Variants in KCNT2 observed in about 807,000 individuals in gnomAD.
The protein encoded by KCNT2 is potassium channel subfamily T member 2.
Under a neutral mutation model 153.8 loss-of-function variants are expected in KCNT2, and 67 were observed. The observed-to-expected ratio is 0.44, with a 90% CI of 0.36 to 0.53. KCNT2 has a LOEUF of 0.53. Ranked by LOEUF, KCNT2 falls within the 20% of genes least tolerant of loss-of-function variation. The pLI is 0.00. For synonymous variants in KCNT2, 500 were observed against 458.8 expected, an observed-to-expected ratio of 1.09 and a Z score of -1.15; for missense variants, 975 against 1,354.8, an observed-to-expected ratio of 0.72 and a Z score of 4.40.
At chr1:196,252,298 G>C (rs1656043573) in intron 26 of KCNT2, among the ~76,000 whole-genome samples, 1 of 151,662 alleles carries the variant, frequency 6.6e-6, no homozygotes. Context: ...AGGCTTTGCA[G>C]ACCATATGAT....
At chr1:196,538,380 G>C (rs1655892095) in intron 1 of KCNT2, among the ~76,000 whole-genome samples, 1 of 152,108 alleles carries the variant, frequency 6.6e-6, no homozygotes, top group South Asian at 2.1e-4. Flanking sequence ...TTCTAACTGA[G>C]GTCTAAGGGG....
intron 3 of KCNT2, among the ~76,000 whole-genome samples, chr1:196,485,471 T>G (rs1283290802): frequency 6.6e-6 from 1 of 152,052 alleles, no homozygotes; most frequent in African/African-American, 2.4e-5. Context: ...CTTCGTATTT[T>G]TAAAATTCCA....
intron 3 of KCNT2, among the ~76,000 whole-genome samples, chr1:196,483,880 G>A (rs1679209233): frequency 6.6e-6 from 1 of 151,994 alleles, no homozygotes; most frequent in South Asian, 2.1e-4. Context: ...TATTAAACTA[G>A]GTAACCAATG....
intron 25 of KCNT2, among the ~76,000 whole-genome samples, chr1:196,263,175 C>CT (rs540339141): frequency 0.022 from 3,126 of 145,208 alleles, 38 homozygotes; most frequent in Admixed American, 0.033. Flanking sequence ...ATATATAATT[C>CT]TTTTTTTTTT....
intron 1 of KCNT2, among the ~76,000 whole-genome samples, chr1:196,517,114 ACCAGAGGC>A (rs763973615): frequency 2.0e-5 from 3 of 152,104 alleles, no homozygotes; most frequent in Non-Finnish European, 4.4e-5. Context: ...GTCCACGGCA[ACCAGAGGC>A]TGGTCCAGAC....
intron 1 of KCNT2, among the ~76,000 whole-genome samples, chr1:196,597,273 A>AG (rs1238206659): frequency 2.0e-5 from 3 of 151,990 alleles, no homozygotes; most frequent in African/African-American, 7.3e-5. Context: ...TACACTAAAA[A>AG]AAAAAGGTTT....
Position 196,480,937 on chromosome 1 carries a change from G to C in KCNT2, c.324+1394C>G, listed in dbSNP as rs140856191. 2.9e-5 allele frequency among the ~76,000 whole-genome samples: 4 copies of C among 139,062 alleles called. No homozygotes were observed. In the Admixed American group the frequency reaches 2.9e-4, roughly 10 times the overall value. 91.2% of individuals were successfully genotyped at this position (139,062 alleles called of 152,430 possible). On this transcript the variant is annotated intron_variant, in intron 4 of 27. Transcript: ENST00000294725. The stretch of plus-strand genomic sequence containing the variant: ...ACTGTTTTAAAAAGCAATTTGAATA[G>C]ATCAAAATATATTTGAAGATAATAT...
intron 26 of KCNT2, among the ~76,000 whole-genome samples, chr1:196,248,210 A>C (rs537407511): frequency 6.6e-6 from 1 of 152,096 alleles, no homozygotes; most frequent in Non-Finnish European, 1.5e-5. Flanking sequence ...AAAACTTCAA[A>C]TAAACAACCA....
chr1:196,372,852 C>G (rs535609124), intron 14 of KCNT2, among the ~76,000 whole-genome samples: 1 of 151,888 alleles, frequency 6.6e-6, no homozygotes, highest in African/African-American at 2.4e-5. Context: ...AAAATAATGT[C>G]CTAATCCTAG....
chr1:196,361,417 C>T (rs1230799039), intron 14 of KCNT2, among the ~76,000 whole-genome samples: 1 of 151,936 alleles, frequency 6.6e-6, no homozygotes, highest in African/African-American at 2.4e-5. Flanking sequence ...GCAGTTGGAT[C>T]CCAGGAGCCC....
intron 16 of KCNT2, among the ~76,000 whole-genome samples, chr1:196,336,470 A>G (rs925703988): frequency 6.6e-6 from 1 of 152,150 alleles, no homozygotes; most frequent in Non-Finnish European, 1.5e-5. Flanking sequence ...TCCATGGCCT[A>G]TAATTATATA....
Position 196,425,897 on chromosome 1 carries a change from T to C in KCNT2, c.1076A>G (p.Tyr359Cys). The C allele has an allele frequency of 6.2e-7, 1 of 1,612,628 alleles. No homozygotes were observed. Among genetic ancestry groups the C allele is most frequent in the Non-Finnish European group, 8.5e-7 (1 of 1,179,040 alleles). The change falls in exon 11 of 28, where the codon TAC becomes TGC. Residue 359 changes from tyrosine to cysteine, a missense_variant. This residue lies in a region of KCNT2 where 202 missense variants were observed against 314.9 expected (regional missense o/e 0.64). Coordinates refer to ENST00000294725, the MANE Select transcript of KCNT2 (RefSeq NM_198503.5). Reference protein sequence around the residue: ...QIPMWSQRVIYLQGSALKDQD... With the variant: ...QIPMWSQRVICLQGSALKDQD... ...ATCTTTAAGGGCTGAACCTTGAAGG[T>C]AGATAACTCGTTGGGACCACATTGG...
At chr1:196,560,948 G>T (rs917744398) in intron 1 of KCNT2, among the ~76,000 whole-genome samples, 1 of 151,874 alleles carries the variant, frequency 6.6e-6, no homozygotes, top group Admixed American at 6.6e-5. Context: ...AGCAATGAAG[G>T]TTTCCTTTTT....
intron 1 of KCNT2, among the ~76,000 whole-genome samples, chr1:196,605,169 C>T (rs975774515): frequency 2.6e-5 from 4 of 152,200 alleles, no homozygotes; most frequent in Non-Finnish European, 4.4e-5. Flanking sequence ...CCCATCATTA[C>T]AAGGATGTGG....
chr1:196,598,059 C>T (rs979093121), intron 1 of KCNT2, among the ~76,000 whole-genome samples: 1 of 151,986 alleles, frequency 6.6e-6, no homozygotes, highest in Non-Finnish European at 1.5e-5. Flanking sequence ...AAAAATAAAA[C>T]ACATAGCTAT....
intron 13 of KCNT2, among the ~76,000 whole-genome samples, chr1:196,386,640 A>T (rs565930961): frequency 7.9e-5 from 12 of 152,266 alleles, no homozygotes; most frequent in African/African-American, 2.9e-4. Context: ...AATACCATTT[A>T]ACCTAGAAAT....
Position 196,228,041 on chromosome 1 carries a change from T to C in KCNT2, c.*183A>G. On this transcript the variant is annotated 3_prime_UTR_variant, in exon 28 of 28. Coordinates refer to ENST00000294725, the MANE Select transcript of KCNT2 (RefSeq NM_198503.5). Reference sequence around the variant, plus strand: ...TCCATTGAGGTCCTTCAAATATTAATAGGGAGAGTACCAGTAAGTAGTACA... The same window carrying C: ...TCCATTGAGGTCCTTCAAATATTAACAGGGAGAGTACCAGTAAGTAGTACA... 1 of 425,930 alleles carries C rather than the reference T, an allele frequency of 2.3e-6. No homozygotes were observed. The highest frequency in any genetic ancestry group is 4.2e-6 in the Non-Finnish European group (1 of 240,212). The allele number at this position is 425,930 out of a possible 1,614,324, so 26.4% of individuals were successfully genotyped here.
chr1:196,316,096 T>C (rs1662688468), intron 20 of KCNT2, 70 bp from the exon 21 acceptor site: 1 of 1,414,374 alleles, frequency 7.1e-7, no homozygotes, highest in Non-Finnish European at 9.8e-7. Flanking sequence ...TGCTAAAGTC[T>C]AGCACTATCC....
intron 26 of KCNT2, among the ~76,000 whole-genome samples, chr1:196,247,634 A>G (rs1402790286): frequency 6.6e-6 from 1 of 152,144 alleles, no homozygotes; most frequent in Non-Finnish European, 1.5e-5. Context: ...GTGCTGAGCA[A>G]AAGTCAGAAA....
Sources: allele counts gnomAD v4.1 joint callset (sites outside exome capture counted in the v4.1 genomes callset), GRCh38; gene constraint gnomAD v4.1.1; regional missense constraint gnomAD v4.1.1; transcripts MANE v1.5; gene names NCBI Gene and HGNC (gene_info 2026-07-23, HGNC 2026-07-21).